Variants in UNC80 observed in about 807,000 individuals in gnomAD.
UNC80 encodes the protein protein unc-80 homolog.
UNC80 carries 164 observed loss-of-function variants against 384.6 expected under a neutral mutation model. That is an observed-to-expected ratio of 0.43 (90% confidence interval 0.38 to 0.49). The LOEUF is 0.49. Ranked by LOEUF, UNC80 falls within the 20% of genes least tolerant of loss-of-function variation. UNC80 has a pLI of 0.00. For missense variants in UNC80, 3,330 were observed against 4,143.0 expected (o/e 0.80, Z 5.39); for synonymous variants, 1,486 against 1,527.8 (o/e 0.97, Z 0.64).
At chr2:209,789,177 A>G (rs1320994675) in intron 5 of UNC80, among the ~76,000 whole-genome samples, 2 of 152,196 alleles carry the variant, frequency 1.3e-5, no homozygotes, top group Non-Finnish European at 2.9e-5. Context: ...ATTTCTCAGA[A>G]CGTATCTTTG....
chr2:209,774,546 A>G (rs1249997198), intron 2 of UNC80, among the ~76,000 whole-genome samples: 1 of 152,216 alleles, frequency 6.6e-6, no homozygotes, highest in Non-Finnish European at 1.5e-5. Flanking sequence ...AAGTTGTATT[A>G]GTGACACTTA....
intron 61 of UNC80, among the ~76,000 whole-genome samples, chr2:209,988,447 A>G (rs887237565): frequency 6.6e-6 from 1 of 152,150 alleles, no homozygotes; most frequent in Non-Finnish European, 1.5e-5. Flanking sequence ...ATGAATTTTT[A>G]TTGCATTATT....
At chr2:209,927,055 T>G (rs1236955189) in intron 36 of UNC80, 69 bp downstream of exon 36, 5 of 1,516,086 alleles carry the variant, frequency 3.3e-6, no homozygotes, top group Non-Finnish European at 4.5e-6. Flanking sequence ...GACAGTAGGT[T>G]GCTCTTAAAC....
chr2:209,844,263 G>A (rs2081971855), intron 21 of UNC80, among the ~76,000 whole-genome samples: 1 of 152,150 alleles, frequency 6.6e-6, no homozygotes, highest in East Asian at 1.9e-4. Flanking sequence ...GACTGGAGCT[G>A]CAATCACATC....
chr2:209,939,207 G>A (rs1189553494), intron 42 of UNC80, among the ~76,000 whole-genome samples: 1 of 152,066 alleles, frequency 6.6e-6, no homozygotes, highest in Non-Finnish European at 1.5e-5. Context: ...GACAATGCTT[G>A]CCTTATGCTC....
chr2:209,990,161 T>C (rs2093366127), intron 61 of UNC80, among the ~76,000 whole-genome samples: 1 of 152,164 alleles, frequency 6.6e-6, no homozygotes, highest in African/African-American at 2.4e-5. Flanking sequence ...TACCATTATG[T>C]TTTGACATTT....
chr2:209,789,864 T>C (rs540136012), intron 6 of UNC80, among the ~76,000 whole-genome samples: 118 of 132,238 alleles, frequency 8.9e-4, no homozygotes, highest in Non-Finnish European at 1.8e-3. Context: ...GTGTAATGAG[T>C]TGTGCTTTAT....
intron 45 of UNC80, among the ~76,000 whole-genome samples, chr2:209,944,140 C>T (rs941878484): frequency 2.6e-5 from 4 of 152,176 alleles, no homozygotes; most frequent in African/African-American, 9.7e-5. Flanking sequence ...TATCATTTCT[C>T]TTCAACATTC....
chr2:209,860,211 G>T lies in UNC80; in HGVS notation c.3627+10588G>T, dbSNP rs1438864374. ...CATCTCGAGTTAATTTTTATATAAGGTGTAAGGAAGGCGTCCAGTTTCAGT... is the reference window on the plus strand; with the variant it reads ...CATCTCGAGTTAATTTTTATATAAGTTGTAAGGAAGGCGTCCAGTTTCAGT... On this transcript the variant is annotated intron_variant, in intron 22 of 64. Coordinates refer to ENST00000673920, the MANE Select transcript of UNC80 (RefSeq NM_001371986.1). Among the ~76,000 whole-genome samples, 3 of 152,112 alleles carry T rather than the reference G, an allele frequency of 2.0e-5. No individual in the cohort carries two copies. The East Asian group carries it at 5.8e-4, about 29-fold the overall frequency.
chr2:209,875,692 G>C (rs1258916544), intron 23 of UNC80, among the ~76,000 whole-genome samples: 1 of 152,018 alleles, frequency 6.6e-6, no homozygotes, highest in Non-Finnish European at 1.5e-5. Flanking sequence ...TGGCCCCTCT[G>C]TCAGTCTCTC....
chr2:209,866,326 T>C (rs1480873242), intron 22 of UNC80, among the ~76,000 whole-genome samples: 1 of 152,106 alleles, frequency 6.6e-6, no homozygotes, highest in Non-Finnish European at 1.5e-5. Flanking sequence ...CCACTTCACC[T>C]TTTCTCTTTT....
intron 7 of UNC80, chr2:209,809,375 G>T: frequency 1.0e-6 from 1 of 995,442 alleles, no homozygotes; most frequent in Non-Finnish European, 1.6e-6. Context: ...CTGCTGCGGG[G>T]CCATGTCCGG....
chr2:209,979,385 C>T lies in UNC80; in HGVS notation c.9118+677C>T, dbSNP rs150856555. Among the ~76,000 whole-genome samples, 563 of 152,254 alleles carry T rather than the reference C, an allele frequency of 3.7e-3. 7 individuals are homozygous for T. The highest frequency in any genetic ancestry group is 0.013 in the African/African-American group (532 of 41,542). ...ATTCTCCTTTTTCCTGGACATCTTG[C>T]TTAGAGGGTTGATTGGAACTTAAAT... is the stretch of plus-strand genomic sequence containing the variant. On this transcript the variant is annotated intron_variant, in intron 59 of 64. Coordinates refer to ENST00000673920, the MANE Select transcript of UNC80 (RefSeq NM_001371986.1).
Position 209,877,935 on chromosome 2 carries a change from GT to G in UNC80, c.3841-15del. The G allele has an allele frequency of 6.6e-7, 1 of 1,514,618 alleles. No individual in the cohort carries two copies. The highest frequency in any genetic ancestry group is 8.8e-7 in the Non-Finnish European group (1 of 1,130,922). 93.8% of individuals were successfully genotyped at this position (1,514,618 alleles called of 1,614,324 possible). A position where few individuals can be genotyped will look rare whatever the true frequency, so the allele number is the denominator to read the frequency against. On this transcript the variant is annotated intron_variant, in intron 23 of 64. Coordinates refer to ENST00000673920, the MANE Select transcript of UNC80 (RefSeq NM_001371986.1). ...TTGACTTAGTTTGTGCTGTTTCATT[GT>G]TTTCCTTCCCATTTTAGGCAATTGG... is the stretch of plus-strand genomic sequence containing the variant.
chr2:209,786,255 A>G, intron 5 of UNC80, 66 bp downstream of exon 5: 1 of 1,523,840 alleles, frequency 6.6e-7, no homozygotes, highest in Non-Finnish European at 8.8e-7. Flanking sequence ...AGTTAGAGTG[A>G]TGGGATAATT....
At chr2:209,776,417 A>T (rs1363371581) in intron 3 of UNC80, among the ~76,000 whole-genome samples, 2 of 152,144 alleles carry the variant, frequency 1.3e-5, no homozygotes, top group Admixed American at 6.5e-5. Flanking sequence ...CCCCGTTTCT[A>T]CTAAAAATAC....
At chr2:209,854,957 A>C (rs1004371124) in intron 22 of UNC80, among the ~76,000 whole-genome samples, 5 of 152,220 alleles carry the variant, frequency 3.3e-5, no homozygotes, top group Non-Finnish European at 4.4e-5. Context: ...TATATACCCA[A>C]AGGACTATAA....
At chr2:209,954,938 A>T (rs1284612695) in intron 48 of UNC80, among the ~76,000 whole-genome samples, 1 of 152,160 alleles carries the variant, frequency 6.6e-6, no homozygotes, top group East Asian at 1.9e-4. Flanking sequence ...AAGCAGAGTC[A>T]CTAAGCTGCC....
intron 22 of UNC80, among the ~76,000 whole-genome samples, chr2:209,871,616 A>AT (rs1269232267): frequency 6.6e-6 from 1 of 152,234 alleles, no homozygotes; most frequent in Admixed American, 6.5e-5. Context: ...ATTGTGATGT[A>AT]TTTTTTAAAA....
Sources: allele counts gnomAD v4.1 joint callset (sites outside exome capture counted in the v4.1 genomes callset), GRCh38; gene constraint gnomAD v4.1.1; transcripts MANE v1.5; gene names NCBI Gene and HGNC (gene_info 2026-07-23, HGNC 2026-07-21).